The following LINGO2 variants were observed in gnomAD, a reference collection of about 807,000 sequenced individuals.
LINGO2 encodes the protein leucine rich repeat and Ig domain containing 2, also known as leucine-rich repeat and immunoglobulin-like domain-containing nogo receptor-interacting protein 2.
In LINGO2, 14 loss-of-function variants were observed where a neutral mutation model predicts 30.6. The observed-to-expected ratio is 0.46, with a 90% CI of 0.30 to 0.72. The LOEUF (loss-of-function observed/expected upper bound fraction) is 0.72, where lower values mean the gene tolerates loss of function less well. Ranked by LOEUF, LINGO2 falls within the 30% of genes least tolerant of loss-of-function variation. The pLI, the probability that LINGO2 is intolerant of heterozygous loss-of-function variation, is 0.07. For missense variants in LINGO2, 729 were observed against 751.7 expected (o/e 0.97, Z 0.35); for synonymous variants, 317 against 288.5 (o/e 1.10, Z -1.00).
At chr9:28,521,042 A>C (rs1820808478) in intron 1 of LINGO2, among the ~76,000 whole-genome samples, 1 of 152,112 alleles carries the variant, frequency 6.6e-6, no homozygotes, top group Non-Finnish European at 1.5e-5. Flanking sequence ...CTTCTCAATA[A>C]ATGATTTTGT....
intron 4 of LINGO2, among the ~76,000 whole-genome samples, chr9:28,219,814 C>G (rs974856259): frequency 6.6e-6 from 1 of 152,152 alleles, no homozygotes; most frequent in Non-Finnish European, 1.5e-5. Context: ...TGAAATGCTA[C>G]ATACTATGTT....
chr9:28,599,458 G>A (rs1056506141), intron 1 of LINGO2, among the ~76,000 whole-genome samples: 1 of 152,060 alleles, frequency 6.6e-6, no homozygotes, highest in African/African-American at 2.4e-5. Flanking sequence ...AAAATTGTTG[G>A]TGGCTTGTTA....
intron 4 of LINGO2, among the ~76,000 whole-genome samples, chr9:28,153,613 G>C (rs1052878794): frequency 6.6e-6 from 1 of 152,010 alleles, no homozygotes; most frequent in Non-Finnish European, 1.5e-5. Context: ...TGATTCCAGT[G>C]GTCTTTACTT....
chr9:28,243,303 C>A (rs2133980889), intron 4 of LINGO2, among the ~76,000 whole-genome samples: 1 of 151,622 alleles, frequency 6.6e-6, no homozygotes, highest in Admixed American at 6.6e-5. Context: ...CTAAAAAATA[C>A]AAAAAAATTA....
At chr9:28,026,320 T>G (rs1387122748) in intron 4 of LINGO2, among the ~76,000 whole-genome samples, 1 of 152,134 alleles carries the variant, frequency 6.6e-6, no homozygotes, top group Non-Finnish European at 1.5e-5. Flanking sequence ...TGTATCCACC[T>G]AAGGCATAAT....
At chr9:28,478,712 A>G (rs1405349417) in intron 1 of LINGO2, among the ~76,000 whole-genome samples, 1 of 152,132 alleles carries the variant, frequency 6.6e-6, no homozygotes, top group African/African-American at 2.4e-5. Context: ...ACAATACATC[A>G]CTAAGTAGTT....
intron 4 of LINGO2, among the ~76,000 whole-genome samples, chr9:28,110,637 ACTC>A (rs1206119119): frequency 6.6e-6 from 1 of 151,910 alleles, no homozygotes; most frequent in Non-Finnish European, 1.5e-5. Flanking sequence ...CGTATGAAAA[ACTC>A]ATCATCACTG....
intron 4 of LINGO2, among the ~76,000 whole-genome samples, chr9:28,168,994 T>TA (rs990263537): frequency 2.0e-5 from 3 of 152,200 alleles, no homozygotes; most frequent in Non-Finnish European, 2.9e-5. Context: ...AACTGCTTGA[T>TA]ATATCTTATT....
At chr9:28,893,259 G>A in the LINGO2 span, among the ~76,000 whole-genome samples, 75 of 151,928 alleles carry the variant, frequency 4.9e-4, no homozygotes, top group East Asian at 5.6e-3. Flanking sequence ...ATTGAATCCT[G>A]CAAATTACTT....
the LINGO2 span, among the ~76,000 whole-genome samples, chr9:28,735,769 CT>C: frequency 6.7e-6 from 1 of 149,982 alleles, no homozygotes; most frequent in African/African-American, 2.4e-5. Flanking sequence ...AATCTCATTA[CT>C]TAAAAAAAAA....
chr9:29,206,260 G>T, the LINGO2 span, among the ~76,000 whole-genome samples: 1 of 152,182 alleles, frequency 6.6e-6, no homozygotes, highest in Non-Finnish European at 1.5e-5. Flanking sequence ...ACTTCTAAAA[G>T]AGGAACTATA....
intron 4 of LINGO2, among the ~76,000 whole-genome samples, chr9:28,234,500 AG>A (rs780157759): frequency 1.3e-5 from 2 of 152,208 alleles, no homozygotes; most frequent in Non-Finnish European, 2.9e-5. Flanking sequence ...GTGGACTGGG[AG>A]AGGCAGACCC....
At chr9:28,010,143 A>G (rs1387601775) in intron 5 of LINGO2, among the ~76,000 whole-genome samples, 1 of 152,220 alleles carries the variant, frequency 6.6e-6, no homozygotes, top group Non-Finnish European at 1.5e-5. Context: ...CACGTATTAC[A>G]TGATTCCAGT....
chr9:28,484,092 A>G (rs1299109770), intron 1 of LINGO2, among the ~76,000 whole-genome samples: 2 of 152,040 alleles, frequency 1.3e-5, no homozygotes, highest in Admixed American at 6.6e-5. Flanking sequence ...GGTCTTTTTT[A>G]AAGTACCCTT....
intron 4 of LINGO2, among the ~76,000 whole-genome samples, chr9:28,046,087 G>A (rs1824409426): frequency 6.6e-6 from 1 of 152,096 alleles, no homozygotes; most frequent in South Asian, 2.1e-4. Context: ...GATACCTGAA[G>A]TTCAGCTAAA....
At chr9:27,999,301 A>C (rs1821823858) in intron 5 of LINGO2, among the ~76,000 whole-genome samples, 1 of 152,132 alleles carries the variant, frequency 6.6e-6, no homozygotes, top group Admixed American at 6.5e-5. Context: ...ATAATGGAGG[A>C]ATGCCTGGGT....
At chr9:29,109,405 GTATACT>G in the LINGO2 span, among the ~76,000 whole-genome samples, 2 of 148,896 alleles carry the variant, frequency 1.3e-5, no homozygotes, top group Non-Finnish European at 3.0e-5. Context: ...TAAATGCAAT[GTATACT>G]TATAAATCTT....
chr9:27,984,509 C>T (rs911728666), intron 5 of LINGO2, among the ~76,000 whole-genome samples: 24 of 151,874 alleles, frequency 1.6e-4, no homozygotes, highest in African/African-American at 5.8e-4. Context: ...AAACACACCT[C>T]CTGTCATTCA....
At chr9:28,596,177 C>T (rs1825167374) in intron 1 of LINGO2, among the ~76,000 whole-genome samples, 1 of 152,054 alleles carries the variant, frequency 6.6e-6, no homozygotes, top group Admixed American at 6.6e-5. Context: ...TTGCCATTTT[C>T]CTTTTTTCAT....
Sources: allele counts gnomAD v4.1 joint callset (sites outside exome capture counted in the v4.1 genomes callset), GRCh38; gene constraint gnomAD v4.1.1; transcripts MANE v1.5; gene names NCBI Gene and HGNC (gene_info 2026-07-23, HGNC 2026-07-21).